CFAP299: variants seen among roughly 807,000 people sequenced by gnomAD.
CFAP299 encodes cilia and flagella associated protein 299, also known as cilia- and flagella-associated protein 299.
Under a neutral mutation model 27.0 loss-of-function variants are expected in CFAP299, and 21 were observed. The observed-to-expected ratio is 0.78, with a 90% CI of 0.55 to 1.12. The LOEUF (loss-of-function observed/expected upper bound fraction) is 1.12. Ranked by LOEUF, CFAP299 falls within the 50% of genes most tolerant of loss-of-function variation. The probability of loss-of-function intolerance (pLI) is 0.00; values close to 1 mark genes in which losing one functional copy is unlikely to be tolerated. For synonymous variants in CFAP299, 104 were observed against 98.1 expected (o/e 1.06, Z -0.36); for missense variants, 310 against 276.6 (o/e 1.12, Z -0.86).
At chr4:80,851,245 C>T (rs1020712757) in intron 3 of CFAP299, among the ~76,000 whole-genome samples, 2 of 152,044 alleles carry the variant, frequency 1.3e-5, no homozygotes, top group African/African-American at 4.8e-5. Context: ...AGTAATGAAG[C>T]CTAAGAAATG....
chr4:80,693,697 T>C (rs1238918682), intron 3 of CFAP299, among the ~76,000 whole-genome samples: 1 of 149,610 alleles, frequency 6.7e-6, no homozygotes, highest in African/African-American at 2.5e-5. Flanking sequence ...ATAATAATAA[T>C]TTAAAAAAAA....
intron 5 of CFAP299, among the ~76,000 whole-genome samples, chr4:80,961,845 G>A (rs1471670283): frequency 6.6e-6 from 1 of 151,926 alleles, no homozygotes; most frequent in East Asian, 1.9e-4. Flanking sequence ...ATTATTGTCT[G>A]TCACACAAGG....
chr4:80,713,071 T>C (rs1450065694), intron 3 of CFAP299, among the ~76,000 whole-genome samples: 1 of 152,010 alleles, frequency 6.6e-6, no homozygotes, highest in Admixed American at 6.6e-5. Context: ...AAACTAACCA[T>C]TCAAGGGTAT....
intron 3 of CFAP299, among the ~76,000 whole-genome samples, chr4:80,611,259 T>C (rs1047264609): frequency 6.6e-6 from 1 of 152,076 alleles, no homozygotes; most frequent in African/African-American, 2.4e-5. Context: ...AACACCATGT[T>C]TTTTTCTTTC....
chr4:80,457,368 T>A (rs141353383), intron 2 of CFAP299, among the ~76,000 whole-genome samples: 1 of 152,104 alleles, frequency 6.6e-6, no homozygotes, highest in Non-Finnish European at 1.5e-5. Context: ...GAGAGTCAAA[T>A]AGGTTATCAT....
chr4:80,808,399 G>C (rs147814007), intron 3 of CFAP299, among the ~76,000 whole-genome samples: 1 of 152,008 alleles, frequency 6.6e-6, no homozygotes, highest in Non-Finnish European at 1.5e-5. Context: ...TAAACATAGC[G>C]CTGTGATGTT....
At chr4:80,737,985 T>C (rs1227647553) in intron 3 of CFAP299, among the ~76,000 whole-genome samples, 1 of 152,138 alleles carries the variant, frequency 6.6e-6, no homozygotes, top group Non-Finnish European at 1.5e-5. Flanking sequence ...CTTTATTGAC[T>C]CTTTAGTCAT....
At chr4:80,505,288 C>A (rs1258031373) in intron 2 of CFAP299, among the ~76,000 whole-genome samples, 2 of 152,020 alleles carry the variant, frequency 1.3e-5, no homozygotes, top group Non-Finnish European at 2.9e-5. Flanking sequence ...TGTGTAGTGA[C>A]CAAAATTAAA....
chr4:80,850,142 C>T (rs756290128), intron 3 of CFAP299, among the ~76,000 whole-genome samples: 1 of 152,020 alleles, frequency 6.6e-6, no homozygotes, highest in African/African-American at 2.4e-5. Context: ...TTCTATAGCT[C>T]AGCTGTGGCT....
upstream of CFAP299, among the ~76,000 whole-genome samples, chr4:80,331,383 C>T (rs1031558818): frequency 3.3e-5 from 5 of 152,104 alleles, no homozygotes; most frequent in East Asian, 3.9e-4. Flanking sequence ...TGGTGAGATC[C>T]GTGTTTTTAA....
chr4:80,439,056 A>G (rs1200503434), intron 2 of CFAP299, among the ~76,000 whole-genome samples: 2 of 152,008 alleles, frequency 1.3e-5, no homozygotes, highest in African/African-American at 2.4e-5. Context: ...TTCCAGTCCA[A>G]TTTTTCATGT....
chr4:80,381,891 C>T (rs930831469), intron 2 of CFAP299, among the ~76,000 whole-genome samples: 5 of 152,084 alleles, frequency 3.3e-5, no homozygotes, highest in Admixed American at 3.3e-4. Context: ...GTTCCTTTTT[C>T]CTTCTACTAT....
chr4:80,467,495 G>A (rs531324732), intron 2 of CFAP299, among the ~76,000 whole-genome samples: 9 of 151,948 alleles, frequency 5.9e-5, no homozygotes, highest in Non-Finnish European at 1.0e-4. Context: ...AAACTCACCC[G>A]CCTCCTCAAT....
chr4:80,805,972 T>C (rs1186232304), intron 3 of CFAP299, among the ~76,000 whole-genome samples: 2 of 152,138 alleles, frequency 1.3e-5, no homozygotes, highest in Non-Finnish European at 2.9e-5. Flanking sequence ...CATAATATAC[T>C]ATGGCAGGAT....
intron 3 of CFAP299, among the ~76,000 whole-genome samples, chr4:80,669,118 TC>T (rs373508449): frequency 5.5e-5 from 8 of 144,672 alleles, no homozygotes; most frequent in Admixed American, 7.2e-5. Flanking sequence ...TCTTTTCTTT[TC>T]TTTTCTTTTC....
chr4:80,792,581 G>T (rs1348713443), intron 3 of CFAP299, among the ~76,000 whole-genome samples: 3 of 152,072 alleles, frequency 2.0e-5, no homozygotes, highest in Non-Finnish European at 4.4e-5. Flanking sequence ...ATTTTTTATA[G>T]TGGTTGTGGG....
At chr4:80,925,522 C>T (rs1406094173) in intron 4 of CFAP299, among the ~76,000 whole-genome samples, 1 of 151,912 alleles carries the variant, frequency 6.6e-6, no homozygotes, top group Non-Finnish European at 1.5e-5. Flanking sequence ...TTTTTCACTT[C>T]CTACTCAAAA....
chr4:80,836,860 T>C (rs1730588040), intron 3 of CFAP299, among the ~76,000 whole-genome samples: 1 of 152,116 alleles, frequency 6.6e-6, no homozygotes, highest in Non-Finnish European at 1.5e-5. Context: ...TTGATTATTT[T>C]TATATGACTA....
chr4:80,396,911 G>T (rs1275092463), intron 2 of CFAP299, among the ~76,000 whole-genome samples: 1 of 152,152 alleles, frequency 6.6e-6, no homozygotes, highest in Non-Finnish European at 1.5e-5. Flanking sequence ...GTTAGGGGAG[G>T]ATTCCTCCTT....
Sources: gnomAD v4.1 joint callset for allele counts (sites outside exome capture counted in the v4.1 genomes callset) on GRCh38, gnomAD v4.1.1 for gene constraint, MANE v1.5 for transcripts, NCBI Gene and HGNC (gene_info 2026-07-23, HGNC 2026-07-21) for gene names.